Variants in HDAC9 observed in about 807,000 individuals in gnomAD.
The protein encoded by HDAC9 is histone deacetylase 9.
In HDAC9, 41 loss-of-function variants were observed where a neutral mutation model predicts 139.4. That is an observed-to-expected ratio of 0.29 (90% CI 0.23 to 0.38). The LOEUF (loss-of-function observed/expected upper bound fraction) is 0.38. HDAC9 is among the 10% of genes least tolerant of loss of function. The pLI, the probability that HDAC9 is intolerant of heterozygous loss-of-function variation, is 1.00. For synonymous variants in HDAC9, 517 were observed against 476.2 expected (o/e 1.09, Z -1.12); for missense variants, 1,147 against 1,297.0 (o/e 0.88, Z 1.78).
intron 1 of HDAC9, among the ~76,000 whole-genome samples, chr7:18,477,680 A>C (rs1795220744): frequency 6.6e-6 from 1 of 152,196 alleles, no homozygotes; most frequent in Admixed American, 6.5e-5. Context: ...GACAAATTAC[A>C]TAAGAGTTCC....
At chr7:18,537,243 T>C (rs1261226302) in intron 2 of HDAC9, among the ~76,000 whole-genome samples, 3 of 152,184 alleles carry the variant, frequency 2.0e-5, no homozygotes, top group Non-Finnish European at 4.4e-5. Flanking sequence ...GAGTTGAATC[T>C]CTCTGCCAGG....
At chr7:18,765,066 A>G (rs1276709315) in intron 15 of HDAC9, among the ~76,000 whole-genome samples, 1 of 152,176 alleles carries the variant, frequency 6.6e-6, no homozygotes. Flanking sequence ...TCTTATGACC[A>G]GTTTCCAGTC....
At chr7:18,957,979 A>G (rs532064915) in intron 24 of HDAC9, among the ~76,000 whole-genome samples, 1 of 152,294 alleles carries the variant, frequency 6.6e-6, no homozygotes, top group East Asian at 1.9e-4. Context: ...GCACATGGCA[A>G]GGTGCTGACA....
chr7:18,766,503 T>A (rs150067810), intron 15 of HDAC9, among the ~76,000 whole-genome samples: 1 of 152,314 alleles, frequency 6.6e-6, no homozygotes, highest in East Asian at 1.9e-4. Flanking sequence ...TTTTTCATAG[T>A]GTACTGTTTA....
At chr7:18,835,638 T>C (rs748955911) in intron 20 of HDAC9, 52 bp downstream of exon 20, 2 of 1,601,180 alleles carry the variant, frequency 1.2e-6, no homozygotes, top group South Asian at 2.2e-5. Flanking sequence ...TTCAGGTAAT[T>C]GCATTGCATG....
chr7:18,215,814 T>G (rs891557556), intron 2 of HDAC9, among the ~76,000 whole-genome samples: 2 of 152,180 alleles, frequency 1.3e-5, no homozygotes, highest in Non-Finnish European at 2.9e-5. Flanking sequence ...AAAATGTTTG[T>G]TATATACCCT....
At chr7:18,919,271 A>G (rs1041730525) in intron 22 of HDAC9, among the ~76,000 whole-genome samples, 1 of 152,040 alleles carries the variant, frequency 6.6e-6, no homozygotes, top group Admixed American at 6.6e-5. Context: ...TCATGTTGGC[A>G]TGTAACTGTT....
intron 22 of HDAC9, among the ~76,000 whole-genome samples, chr7:18,903,078 A>G (rs1801880151): frequency 6.6e-6 from 1 of 152,238 alleles, no homozygotes; most frequent in Non-Finnish European, 1.5e-5. Context: ...GCAATTTGAA[A>G]ACAATTTTAC....
chr7:18,319,618 A>G (rs1799891808), intron 1 of HDAC9, among the ~76,000 whole-genome samples: 1 of 152,194 alleles, frequency 6.6e-6, no homozygotes, highest in East Asian at 1.9e-4. Flanking sequence ...GACTTTTAAA[A>G]CTCACCAATA....
At position 18,404,852 on chromosome 7, in the gene HDAC9, A is replaced by G. The variant is rs988391668; in HGVS notation, c.-41-91410A>G. The stretch of plus-strand genomic sequence containing the variant: ...AAATGTATAAAAAGAAAGATTAATA[A>G]AAAGAAGTACGATTATTGTTTATCT... On this transcript the variant is annotated intron_variant, in intron 1 of 3. Coordinates refer to the HDAC9 transcript ENST00000413509. Among the ~76,000 whole-genome samples the G allele has an allele frequency of 1.8e-4, 27 of 152,354 alleles. No homozygotes were observed. In the East Asian group the frequency reaches 4.2e-3, roughly 24 times the overall value.
chr7:18,179,458 A>T (rs568793427), intron 2 of HDAC9, among the ~76,000 whole-genome samples: 3 of 152,302 alleles, frequency 2.0e-5, no homozygotes, highest in Non-Finnish European at 4.4e-5. Context: ...ATCATTAAAG[A>T]AATGTTTATA....
intron 25 of HDAC9, among the ~76,000 whole-genome samples, chr7:18,977,048 G>C (rs1214733916): frequency 6.6e-6 from 1 of 152,138 alleles, no homozygotes; most frequent in Admixed American, 6.6e-5. Context: ...AAATGAATAA[G>C]AGATTTTATT....
rs1786567488 is a variant in HDAC9 at position 18,998,118 on chromosome 7, C to CT, written c.*2056_*2057insT. The CT allele has an allele frequency of 6.6e-6, 1 of 152,046 alleles. No individual in the cohort carries two copies. Among genetic ancestry groups the CT allele is most frequent in the African/African-American group, 2.4e-5 (1 of 41,396 alleles). 9.4% of individuals were successfully genotyped at this position (152,046 alleles called of 1,614,324 possible). ...AGCCAAAGGCTTAACAAAAGACTCT[C>CT]CCCCATTTTAAAAAGGAAACTCATG... On this transcript the variant is annotated 3_prime_UTR_variant, in exon 26 of 26. Coordinates refer to ENST00000686413, the MANE Select transcript of HDAC9 (RefSeq NM_178425.4).
At chr7:18,444,914 T>C (rs1008467088) in intron 1 of HDAC9, among the ~76,000 whole-genome samples, 1 of 152,212 alleles carries the variant, frequency 6.6e-6, no homozygotes, top group African/African-American at 2.4e-5. Context: ...GAAAATATTA[T>C]CTTTCTCATC....
chr7:18,319,729 G>A (rs1333195385), intron 1 of HDAC9, among the ~76,000 whole-genome samples: 1 of 152,248 alleles, frequency 6.6e-6, no homozygotes, highest in African/African-American at 2.4e-5. Context: ...TCCAACTTAT[G>A]TATTTGTCAT....
intron 12 of HDAC9, among the ~76,000 whole-genome samples, chr7:18,675,294 G>T (rs144355125): frequency 1.3e-5 from 2 of 152,086 alleles, no homozygotes; most frequent in Non-Finnish European, 2.9e-5. Context: ...TGATTTTATA[G>T]TTAGGCTGCA....
intron 2 of HDAC9, among the ~76,000 whole-genome samples, chr7:18,507,070 T>A (rs974345182): frequency 4.6e-5 from 7 of 151,900 alleles, no homozygotes; most frequent in African/African-American, 1.7e-4. Flanking sequence ...TTTTCCTAAA[T>A]GATAAAAATG....
At chr7:18,661,821 C>A (rs1793254691) in intron 11 of HDAC9, among the ~76,000 whole-genome samples, 2 of 151,812 alleles carry the variant, frequency 1.3e-5, no homozygotes, top group South Asian at 4.2e-4. Flanking sequence ...GTAGATGAAG[C>A]CAAAGAAACT....
intron 1 of HDAC9, among the ~76,000 whole-genome samples, chr7:18,463,299 G>A (rs906855604): frequency 6.6e-6 from 1 of 151,918 alleles, no homozygotes; most frequent in Non-Finnish European, 1.5e-5. Context: ...CTGGAAGAAC[G>A]TGGTGTTATT....
Sources: gnomAD v4.1 joint callset for allele counts (sites outside exome capture counted in the v4.1 genomes callset) on GRCh38, gnomAD v4.1.1 for gene constraint, MANE v1.5 for transcripts, NCBI Gene and HGNC (gene_info 2026-07-23, HGNC 2026-07-21) for gene names.